Variants in TMEM51 observed in about 807,000 individuals in gnomAD.
TMEM51 encodes chromosome 1 open reading frame 72.
In TMEM51, 8 loss-of-function variants were observed where a neutral mutation model predicts 13.6. The ratio of observed to expected loss-of-function variants is 0.59; its 90% CI spans 0.35 to 1.07. TMEM51 has a LOEUF of 1.07. Among genes scored for constraint, TMEM51 ranks in the 50% least tolerant of loss-of-function variants. The pLI, the probability that TMEM51 is intolerant of heterozygous loss-of-function variation, is 0.02. For synonymous variants in TMEM51, 147 were observed against 144.4 expected, an observed-to-expected ratio of 1.02 and a Z score of -0.13; for missense variants, 279 against 330.7, an observed-to-expected ratio of 0.84 and a Z score of 1.21.
At chr1:15,210,296 C>T (rs116584918) in intron 1 of TMEM51, among the ~76,000 whole-genome samples, 194 bp from the exon 2 acceptor site, 233 of 152,298 alleles carry the variant, frequency 1.5e-3, no homozygotes, top group African/African-American at 5.5e-3. Flanking sequence ...ATGTTGTCAT[C>T]CTTCTGCAAC....
At chr1:15,168,472 T>C in intron 1 of TMEM51, 1 of 1,296,694 alleles carries the variant, frequency 7.7e-7, no homozygotes, top group Non-Finnish European at 1.0e-6. Flanking sequence ...TAACTCAGAA[T>C]GTATAAGTTC....
chr1:15,189,869 C>G (rs905130650), intron 1 of TMEM51, among the ~76,000 whole-genome samples: 1 of 152,252 alleles, frequency 6.6e-6, no homozygotes, highest in African/African-American at 2.4e-5. Flanking sequence ...GCCCCGTGAG[C>G]CCTGGATAGC....
At chr1:15,187,008 G>GT (rs1348470273) in intron 1 of TMEM51, among the ~76,000 whole-genome samples, 1 of 152,128 alleles carries the variant, frequency 6.6e-6, no homozygotes, top group East Asian at 1.9e-4. Context: ...CAACCCCACT[G>GT]TCGGGGGGTA....
intron 1 of TMEM51, among the ~76,000 whole-genome samples, chr1:15,177,014 G>A (rs968981920): frequency 1.4e-4 from 22 of 152,168 alleles, no homozygotes; most frequent in African/African-American, 4.3e-4. Flanking sequence ...TCTGAAAGGA[G>A]CCAGTGGGGG....
Position 15,215,338 on chromosome 1 carries a change from G to T in TMEM51, c.251G>T (p.Ser84Ile). The change falls in exon 3 of 4, where the codon AGT becomes ATT. Residue 84 changes from serine to isoleucine, a missense_variant. Coordinates refer to ENST00000376008, the MANE Select transcript of TMEM51 (RefSeq NM_001136218.2). ...CTGCTGCTGCTTTCTATCTGCCTGA[G>T]TATCAGGGATAAGAGGAAGCAGCGG... ...VMLLLLSICL[S>I]IRDKRKQRQG... The T allele has an allele frequency of 6.2e-7, 1 of 1,613,996 alleles. No homozygotes were observed. Among genetic ancestry groups the T allele is most frequent in the African/African-American group, 1.3e-5 (1 of 75,070 alleles).
intron 1 of TMEM51, chr1:15,192,615 G>T: frequency 5.8e-6 from 1 of 171,406 alleles, no homozygotes. Flanking sequence ...CAGCACACCC[G>T]GCTACTTTTT....
intron 1 of TMEM51, among the ~76,000 whole-genome samples, chr1:15,167,199 C>T (rs1265406529): frequency 4.6e-5 from 7 of 151,786 alleles, no homozygotes; most frequent in Admixed American, 2.0e-4. Context: ...TGGTGGCGGG[C>T]GCCTGTAGTC....
intron 1 of TMEM51, among the ~76,000 whole-genome samples, chr1:15,170,298 C>T (rs1270942333): frequency 2.0e-5 from 3 of 152,006 alleles, no homozygotes; most frequent in African/African-American, 7.2e-5. Flanking sequence ...TCTCCCCCGG[C>T]CCTCTGCTGC....
intron 1 of TMEM51, among the ~76,000 whole-genome samples, chr1:15,198,324 A>G (rs1235908991): frequency 6.6e-6 from 1 of 152,358 alleles, no homozygotes; most frequent in African/African-American, 2.4e-5. Flanking sequence ...GGGTACTGCT[A>G]TCTTTATTCT....
chr1:15,202,028 A>G (rs1644165456), intron 1 of TMEM51, among the ~76,000 whole-genome samples: 3 of 152,174 alleles, frequency 2.0e-5, no homozygotes, highest in African/African-American at 4.8e-5. Flanking sequence ...GCACTTTGGA[A>G]CTGCAGTTTT....
At chr1:15,165,494 G>A (rs144057725) in intron 1 of TMEM51, among the ~76,000 whole-genome samples, 152 of 152,194 alleles carry the variant, frequency 1.0e-3, no homozygotes, top group African/African-American at 3.5e-3. Context: ...GTGCTTTCAG[G>A]AGCTCAGCAT....
chr1:15,168,034 G>A (rs531851056), intron 1 of TMEM51, among the ~76,000 whole-genome samples: 35 of 152,256 alleles, frequency 2.3e-4, no homozygotes, highest in Non-Finnish European at 4.3e-4. Context: ...TTATACGAGC[G>A]TAGCCACCAT....
chr1:15,165,558 CT>C (rs1642965783), intron 1 of TMEM51, among the ~76,000 whole-genome samples: 1 of 152,162 alleles, frequency 6.6e-6, no homozygotes, highest in Non-Finnish European at 1.5e-5. Context: ...CTTTAAAGCA[CT>C]TAGCTTTAAA....
At position 15,198,238 on chromosome 1, in the gene TMEM51, C is replaced by G. The variant is rs771218651; in HGVS notation, c.-266-12252C>G. Among the ~76,000 whole-genome samples the G allele has an allele frequency of 4.7e-4, 72 of 152,066 alleles. 1 individual carries two copies. Among genetic ancestry groups the G allele is most frequent in the Non-Finnish European group, 7.5e-4 (51 of 68,022 alleles). On this transcript the variant is annotated intron_variant, in intron 1 of 3. Coordinates refer to ENST00000376008, the MANE Select transcript of TMEM51 (RefSeq NM_001136218.2). ...TTCCCTTCCTGAATGTGCCCCACCC[C>G]CTATACACACCCTGCTTATATCCCA...
rs979140327 is a variant in TMEM51 at position 15,215,445 on chromosome 1, G to A, written c.344+14G>A. The A allele has an allele frequency of 2.5e-6, 4 of 1,579,332 alleles. No homozygotes were observed. Among genetic ancestry groups the A allele is most frequent in the Non-Finnish European group, 2.6e-6 (3 of 1,165,298 alleles). On this transcript the variant is annotated intron_variant, in intron 3 of 3. Transcript: ENST00000376008. ...GGAGGAAGACAGGTGAGGCCTGACT[G>A]TCCCCTTCCCTCCCCGGATCGGGGA...
chr1:15,214,984 C>A lies in TMEM51; in HGVS notation c.-104C>A. On this transcript the variant is annotated 5_prime_UTR_variant, in exon 3 of 4. Coordinates refer to ENST00000376008, the MANE Select transcript of TMEM51 (RefSeq NM_001136218.2). ...TCAGCTGATATTTTCTAGTGTGGGG[C>A]GAGAGATTTTGTGGAGCGCATTTAA... The A allele has an allele frequency of 2.7e-6, 3 of 1,094,462 alleles. No individual in the cohort carries two copies. Among genetic ancestry groups the A allele is most frequent in the Non-Finnish European group, 3.9e-6 (3 of 773,312 alleles). The allele number at this position is 1,094,462 out of a possible 1,614,324, so 67.8% of individuals were successfully genotyped here. A position where few individuals can be genotyped will look rare whatever the true frequency, so the allele number is the denominator to read the frequency against.
At position 15,215,285 on chromosome 1, in the gene TMEM51, C is replaced by T. The variant is rs1270620313; in HGVS notation, c.198C>T (p.Ala66=). 1 of 1,614,218 alleles carries T rather than the reference C, an allele frequency of 6.2e-7. No individual in the cohort carries two copies. Among genetic ancestry groups the T allele is most frequent in the African/African-American group, 1.3e-5 (1 of 75,066 alleles). ...GILKSKTFSV[A]YVLVGAGVML... ...TCAAGAGCAAGACCTTCTCTGTGGCCTACGTGCTGGTCGGGGCCGGGGTGA... is the reference window on the plus strand; with the variant it reads ...TCAAGAGCAAGACCTTCTCTGTGGCTTACGTGCTGGTCGGGGCCGGGGTGA... Residue 66 remains alanine, a synonymous_variant, in exon 3 of 4, where the codon GCC becomes GCT. Coordinates refer to ENST00000376008, the MANE Select transcript of TMEM51 (RefSeq NM_001136218.2).
chr1:15,167,283 C>A (rs1215961761), intron 1 of TMEM51, among the ~76,000 whole-genome samples: 1 of 132,282 alleles, frequency 7.6e-6, no homozygotes, highest in Non-Finnish European at 1.5e-5. Flanking sequence ...GCCGAGATGA[C>A]GCCACTGCAC....
chr1:15,216,084 G>A (rs1644428493), intron 3 of TMEM51, among the ~76,000 whole-genome samples: 1 of 152,114 alleles, frequency 6.6e-6, no homozygotes. Context: ...CTTGGATGGA[G>A]CTGGAGGCCA....
Sources: gnomAD v4.1 joint callset for allele counts (sites outside exome capture counted in the v4.1 genomes callset) on GRCh38, gnomAD v4.1.1 for gene constraint, MANE v1.5 for transcripts, NCBI Gene and HGNC (gene_info 2026-07-23, HGNC 2026-07-21) for gene names.